The following HNRNPR variants were observed in gnomAD, a reference collection of about 807,000 sequenced individuals.
The protein encoded by HNRNPR is heterogeneous nuclear ribonucleoprotein R.
Under a neutral mutation model 70.3 loss-of-function variants are expected in HNRNPR, and 4 were observed. The ratio of observed to expected loss-of-function variants is 0.06; its 90% CI spans 0.03 to 0.13. The LOEUF is 0.13. Ranked by LOEUF, HNRNPR falls within the 10% of genes least tolerant of loss-of-function variation. The pLI is 1.00. For synonymous variants in HNRNPR, 241 were observed against 267.6 expected (o/e 0.90, Z 0.97); for missense variants, 423 against 788.5 (o/e 0.54, Z 5.55).
chr1:23,344,026 C>T (rs1008197303), intron 1 of HNRNPR, among the ~76,000 whole-genome samples, 185 bp downstream of exon 1: 14 of 152,040 alleles, frequency 9.2e-5, no homozygotes, highest in Admixed American at 6.5e-5. Flanking sequence ...GGGCGAGAAG[C>T]GTTTCGGCCG....
At chr1:23,311,354 G>T (rs759105830) in intron 9 of HNRNPR, 32 bp from the exon 10 acceptor site, 3 of 1,372,270 alleles carry the variant, frequency 2.2e-6, no homozygotes, top group Non-Finnish European at 3.1e-6. Flanking sequence ...ATTTTACAAC[G>T]ATATAAAACT....
intron 5 of HNRNPR, among the ~76,000 whole-genome samples, chr1:23,331,834 TAAAAAAAAAA>T (rs59006948): frequency 3.7e-4 from 22 of 59,246 alleles, no homozygotes; most frequent in East Asian, 8.1e-4. Flanking sequence ...ACTGTTTCTT[TAAAAAAAAAA>T]AAAAAAAAAA....
At chr1:23,323,436 A>G (rs1444419970) in intron 6 of HNRNPR, 120 bp downstream of exon 6, 1 of 944,898 alleles carries the variant, frequency 1.1e-6, no homozygotes, top group South Asian at 1.7e-5. Context: ...CTTGGTCAGT[A>G]TAAAAACATT....
intron 7 of HNRNPR, among the ~76,000 whole-genome samples, chr1:23,319,690 T>C (rs765997321): frequency 6.6e-6 from 1 of 152,160 alleles, no homozygotes; most frequent in Non-Finnish European, 1.5e-5. Context: ...TCATTATATA[T>C]ACAATAAAAA....
chr1:23,333,653 T>C (rs1283076792), intron 4 of HNRNPR, 22 bp from the exon 5 acceptor site: 8 of 1,365,106 alleles, frequency 5.9e-6, no homozygotes, highest in Non-Finnish European at 8.4e-6. Context: ...TATACATCTC[T>C]TTATACTTGA....
chr1:23,318,640 T>C lies in HNRNPR; in HGVS notation c.860A>G (p.Lys287Arg). ...TTCAAGGAAGCAGAACCCCCGATTCTTCTTTTTGTCATCGGGTTGATGATA... is the reference window on the plus strand; with the variant it reads ...TTCAAGGAAGCAGAACCCCCGATTCCTCTTTTTGTCATCGGGTTGATGATA... ...ILYHQPDDKK[K>R]NRGFCFLEYE... is the part of the protein sequence containing the mutation. The change falls in exon 8 of 11, where the codon AAG becomes AGG. Residue 287 changes from lysine (K) to arginine (R), a missense_variant. Transcript: ENST00000302271. This position sits in a 1 kb window ranked among gnomAD's most constrained non-coding sequence, Gnocchi z 4.2. The C allele has an allele frequency of 6.2e-7, 1 of 1,614,222 alleles. No homozygotes were observed. The highest frequency in any genetic ancestry group is 8.5e-7 in the Non-Finnish European group (1 of 1,180,046).
chr1:23,341,148 C>T (rs1485502674), intron 1 of HNRNPR, 131 bp from the exon 2 acceptor site: 1 of 640,734 alleles, frequency 1.6e-6, no homozygotes, highest in Non-Finnish European at 2.6e-6. Flanking sequence ...TAATTTATTC[C>T]TCCTGTGATG....
At chr1:23,342,197 C>G (rs1022422322) in intron 1 of HNRNPR, among the ~76,000 whole-genome samples, 4 of 152,172 alleles carry the variant, frequency 2.6e-5, no homozygotes, top group African/African-American at 9.7e-5. Context: ...ACCACACTTC[C>G]CGACAGCTTA....
chr1:23,336,571 CAAAAAAAAAAAAAAAAAA>C (rs869203047), intron 4 of HNRNPR, among the ~76,000 whole-genome samples: 1 of 41,180 alleles, frequency 2.4e-5, no homozygotes, highest in Admixed American at 4.0e-4. Flanking sequence ...GACTCCGTCT[CAAAAAAAAAAAAAAAAAA>C]AAAAAAAAAA....
At position 23,307,249 on chromosome 1, in the gene HNRNPR, T is replaced by C. The variant is rs1268698216; in HGVS notation, c.*3205A>G. Reference sequence around the variant, plus strand: ...TTAATAAAACGTAGGTATGATTATATTCAAATGGGCAGGAGGCAAATGATG... The same window carrying C: ...TTAATAAAACGTAGGTATGATTATACTCAAATGGGCAGGAGGCAAATGATG... On this transcript the variant is annotated 3_prime_UTR_variant, in exon 11 of 11. Transcript: ENST00000302271. 2.0e-5 allele frequency: 3 copies of C among 152,126 alleles called. No homozygotes were observed. Among genetic ancestry groups the C allele is most frequent in the East Asian group, 1.9e-4 (1 of 5,204 alleles). The allele number at this position is 152,126 out of a possible 1,614,324, so 9.4% of individuals were successfully genotyped here.
intron 6 of HNRNPR, among the ~76,000 whole-genome samples, chr1:23,322,915 C>T (rs1012819780): frequency 6.6e-6 from 1 of 152,108 alleles, no homozygotes; most frequent in African/African-American, 2.4e-5. Flanking sequence ...AACTTTGTTG[C>T]TACTACTACT....
chr1:23,336,131 A>AAAAAAAAAAAG (rs1406790639), intron 4 of HNRNPR, among the ~76,000 whole-genome samples: 1 of 145,098 alleles, frequency 6.9e-6, no homozygotes, highest in Non-Finnish European at 1.5e-5. Flanking sequence ...AAAAAAAAAA[A>AAAAAAAAAAAG]AGTCTATCAC....
intron 4 of HNRNPR, among the ~76,000 whole-genome samples, chr1:23,334,452 G>A (rs1469867267): frequency 6.6e-6 from 1 of 151,110 alleles, no homozygotes; most frequent in Non-Finnish European, 1.5e-5. Flanking sequence ...TAGCCAGGAT[G>A]GTCTCAATCT....
intron 4 of HNRNPR, among the ~76,000 whole-genome samples, chr1:23,335,903 G>A (rs984443924): frequency 6.8e-6 from 1 of 147,364 alleles, no homozygotes; most frequent in Non-Finnish European, 1.5e-5. Flanking sequence ...GGATCACGAG[G>A]TCAGGAGATC....
At chr1:23,326,014 C>G (rs1220876299) in intron 5 of HNRNPR, among the ~76,000 whole-genome samples, 1 of 152,098 alleles carries the variant, frequency 6.6e-6, no homozygotes, top group Non-Finnish European at 1.5e-5. Context: ...GCTCTTGCCA[C>G]TATGCCCAGC....
At position 23,313,619 on chromosome 1, in the gene HNRNPR, G is replaced by A. The variant is rs34061540; in HGVS notation, c.1101C>T (p.Leu367=). Residue 367 remains leucine (L), a synonymous_variant, in exon 9 of 11, where the codon CTC becomes CTT. Coordinates refer to ENST00000302271, the MANE Select transcript of HNRNPR (RefSeq NM_005826.5). ...LEKSFSEFGK[L]ERVKKLKDYA... ...AATCTTTCAACTTCTTTACTCTTTC[G>A]AGTTTTCCAAATTCAGAAAATGACT... The A allele has an allele frequency of 7.2e-3, 11,593 of 1,602,172 alleles. 93 individuals are homozygous for A. Among genetic ancestry groups the A allele is most frequent in the South Asian group, 0.027 (2,359 of 88,642 alleles).
Position 23,318,540 on chromosome 1 carries a change from T to C in HNRNPR, c.960A>G (p.Val320=). The change falls in exon 8 of 11, where the codon GTA becomes GTG. Residue 320 remains valine, a synonymous_variant. Transcript: ENST00000302271. This position sits in a 1 kb window ranked among gnomAD's most constrained non-coding sequence, Gnocchi z 4.2. The part of the protein sequence containing the change: ...MSGKVKVWGN[V]VTVEWADPVE... ...CAGGGTCAGCCCATTCAACTGTAAC[T>C]ACATTTCCCCACACTTTTACTTTTC... is the stretch of plus-strand genomic sequence containing the variant. 1 of 1,614,216 alleles carries C rather than the reference T, an allele frequency of 6.2e-7. No individual in the cohort carries two copies. Among genetic ancestry groups the C allele is most frequent in the Non-Finnish European group, 8.5e-7 (1 of 1,180,032 alleles).
intron 5 of HNRNPR, among the ~76,000 whole-genome samples, chr1:23,326,223 T>C (rs773727236): frequency 6.6e-5 from 10 of 152,082 alleles, no homozygotes; most frequent in Non-Finnish European, 1.0e-4. Context: ...CACACAGTTA[T>C]TATTTTCAAC....
intron 9 of HNRNPR, 66 bp downstream of exon 9, chr1:23,313,487 C>T: frequency 2.9e-6 from 3 of 1,051,576 alleles, no homozygotes; most frequent in South Asian, 1.6e-5. Flanking sequence ...TTTAAAGTTA[C>T]TTTGTGTTTG....
Sources: allele counts gnomAD v4.1 joint callset (sites outside exome capture counted in the v4.1 genomes callset), GRCh38; gene constraint gnomAD v4.1.1; non-coding constraint Gnocchi (gnomAD v3.1); transcripts MANE v1.5; gene names NCBI Gene and HGNC (gene_info 2026-07-23, HGNC 2026-07-21).